FGGY: variants seen among roughly 807,000 people sequenced by gnomAD.
The protein encoded by FGGY is FGGY carbohydrate kinase domain-containing protein.
In FGGY, 72 loss-of-function variants were observed where a neutral mutation model predicts 71.3. That is an observed-to-expected ratio of 1.01 (90% CI 0.84 to 1.23). The LOEUF is 1.23. FGGY is among the 50% of genes most tolerant of loss of function. The pLI is 0.00. For synonymous variants in FGGY, 251 were observed against 250.3 expected (o/e 1.00, Z -0.02); for missense variants, 668 against 682.3 (o/e 0.98, Z 0.23).
chr1:59,469,561 CT>C (rs1286281385), intron 6 of FGGY, among the ~76,000 whole-genome samples: 4 of 152,072 alleles, frequency 2.6e-5, no homozygotes, highest in Non-Finnish European at 4.4e-5. Context: ...TTTAACATGA[CT>C]TTTTGTTTTA....
At chr1:59,454,100 A>G (rs1452221561) in intron 5 of FGGY, among the ~76,000 whole-genome samples, 3 of 152,166 alleles carry the variant, frequency 2.0e-5, no homozygotes, top group African/African-American at 4.8e-5. Context: ...GACCATAAGG[A>G]CAACCTGGAG....
At position 59,614,566 on chromosome 1, in the gene FGGY, G is replaced by C. The variant is rs368155247; in HGVS notation, c.1011+6656G>C. Among the ~76,000 whole-genome samples, 361 of 152,292 alleles carry C rather than the reference G, an allele frequency of 2.4e-3. 5 individuals are homozygous for C. Among genetic ancestry groups the C allele is most frequent in the South Asian group, 0.023 (112 of 4,822 alleles). ...CATACTGAATGGGCAAAAACTGGAA[G>C]CATTCCCTTTGAAAACTGTCACAAG... is the stretch of plus-strand genomic sequence containing the variant. On this transcript the variant is annotated intron_variant, in intron 9 of 15. Coordinates refer to ENST00000303721, the MANE Select transcript of FGGY (RefSeq NM_018291.5).
At chr1:59,445,869 A>G (rs1305166311) in intron 5 of FGGY, among the ~76,000 whole-genome samples, 4 of 152,210 alleles carry the variant, frequency 2.6e-5, no homozygotes, top group Non-Finnish European at 5.9e-5. Flanking sequence ...CTGAATAAGC[A>G]TGTAGTTAAC....
chr1:59,334,885 T>C lies in FGGY; in HGVS notation c.202-5073T>C, dbSNP rs2049174138. Among the ~76,000 whole-genome samples the C allele has an allele frequency of 2.0e-5, 3 of 152,186 alleles. No homozygotes were observed. In the South Asian group the frequency reaches 6.2e-4, roughly 32 times the overall value. On this transcript the variant is annotated intron_variant, in intron 2 of 15. Coordinates refer to ENST00000303721, the MANE Select transcript of FGGY (RefSeq NM_018291.5). The stretch of plus-strand genomic sequence containing the variant: ...AAAAAATAGAATTAATCGATAAATC[T>C]ATTATTCTACAACTTTAAAAATTAT...
At chr1:59,583,039 A>T (rs2096223565) in intron 8 of FGGY, among the ~76,000 whole-genome samples, 1 of 144,820 alleles carries the variant, frequency 6.9e-6, no homozygotes, top group Admixed American at 6.7e-5. Context: ...CTTCACCAGG[A>T]ACATCAGTAG....
Position 59,382,402 on chromosome 1 carries a change from T to C in FGGY, c.554+3565T>C, listed in dbSNP as rs551671547. 2.6e-5 allele frequency among the ~76,000 whole-genome samples: 4 copies of C among 152,270 alleles called. No homozygotes were observed. In the East Asian group the frequency reaches 7.7e-4, roughly 29 times the overall value. Reference sequence around the variant, plus strand: ...TGAAACAATCATTAGCCAAAGGTCCTGGGGCAGAGAGATGCATATGCTTGT... The same window carrying C: ...TGAAACAATCATTAGCCAAAGGTCCCGGGGCAGAGAGATGCATATGCTTGT... On this transcript the variant is annotated intron_variant, in intron 5 of 15. Coordinates refer to ENST00000303721, the MANE Select transcript of FGGY (RefSeq NM_018291.5).
Position 59,599,686 on chromosome 1 carries a change from CAAAAAA to C in FGGY, c.904-8101_904-8096del, listed in dbSNP as rs76397509. On this transcript the variant is annotated intron_variant, in intron 8 of 15. Coordinates refer to ENST00000303721, the MANE Select transcript of FGGY (RefSeq NM_018291.5). The stretch of plus-strand genomic sequence containing the variant: ...TTCAGCTGGGGGACAGAGCAAGACT[CAAAAAA>C]AAAAAAAAAAAAAAAGGAATATGTA... Among the ~76,000 whole-genome samples, 321 of 49,444 alleles carry C rather than the reference CAAAAAA, an allele frequency of 6.5e-3. 2 individuals carry two copies. Among genetic ancestry groups the C allele is most frequent in the Non-Finnish European group, 0.011 (271 of 23,834 alleles). 32.4% of individuals were successfully genotyped at this position (49,444 alleles called of 152,430 possible).
intron 8 of FGGY, among the ~76,000 whole-genome samples, chr1:59,571,337 G>A (rs1422760193): frequency 6.6e-6 from 1 of 152,224 alleles, no homozygotes; most frequent in Admixed American, 6.5e-5. Flanking sequence ...GTTGTTTAGA[G>A]CATTCACTCT....
intron 9 of FGGY, among the ~76,000 whole-genome samples, chr1:59,616,255 AC>A (rs1485395884): frequency 1.3e-5 from 2 of 152,236 alleles, no homozygotes; most frequent in Non-Finnish European, 2.9e-5. Flanking sequence ...ACAATGATAG[AC>A]TGGATTAAGA....
chr1:59,627,454 T>TTATATATATATATATA (rs60500862), intron 10 of FGGY, among the ~76,000 whole-genome samples: 160 of 97,228 alleles, frequency 1.6e-3, no homozygotes, highest in African/African-American at 3.4e-3. Flanking sequence ...ACTTATGATT[T>TTATATATATATATATA]TATATATATA....
At chr1:59,565,705 G>T (rs1036097857) in intron 8 of FGGY, among the ~76,000 whole-genome samples, 1 of 152,174 alleles carries the variant, frequency 6.6e-6, no homozygotes, top group South Asian at 2.1e-4. Context: ...CACGTGTTTT[G>T]TGGGAATGAG....
At chr1:59,662,579 G>A (rs2097287442) in intron 12 of FGGY, among the ~76,000 whole-genome samples, 1 of 152,050 alleles carries the variant, frequency 6.6e-6, no homozygotes, top group African/African-American at 2.4e-5. Context: ...GGTTAACGAG[G>A]GACTTCCTAT....
chr1:59,420,143 C>T (rs771476048), intron 5 of FGGY, among the ~76,000 whole-genome samples: 3 of 152,160 alleles, frequency 2.0e-5, no homozygotes, highest in Non-Finnish European at 4.4e-5. Flanking sequence ...CTTCACAAGG[C>T]AGAATTGTAC....
chr1:59,343,865 A>C (rs1362264775), intron 3 of FGGY, among the ~76,000 whole-genome samples: 2 of 152,218 alleles, frequency 1.3e-5, no homozygotes, highest in Non-Finnish European at 2.9e-5. Context: ...TACTATAGGC[A>C]GAAGTTTAGC....
intron 5 of FGGY, among the ~76,000 whole-genome samples, chr1:59,416,261 C>A (rs2064397664): frequency 1.3e-5 from 2 of 152,148 alleles, no homozygotes; most frequent in African/African-American, 4.8e-5. Flanking sequence ...ATATTACAAT[C>A]ATTTGTGGCC....
intron 8 of FGGY, among the ~76,000 whole-genome samples, chr1:59,594,955 G>A (rs1486626589): frequency 6.6e-6 from 1 of 152,180 alleles, no homozygotes; most frequent in Admixed American, 6.5e-5. Context: ...TGACCCTTGG[G>A]CCCCTCTCTG....
chr1:59,493,239 C>T (rs1052094278), intron 6 of FGGY, among the ~76,000 whole-genome samples: 1 of 151,958 alleles, frequency 6.6e-6, no homozygotes, highest in Non-Finnish European at 1.5e-5. Context: ...GGTAGTTCCT[C>T]AAAAAGTTAC....
chr1:59,573,862 A>G (rs923674516), intron 8 of FGGY, among the ~76,000 whole-genome samples: 1 of 152,194 alleles, frequency 6.6e-6, no homozygotes, highest in African/African-American at 2.4e-5. Context: ...CCTGGAAGCC[A>G]AGGAAACTCA....
chr1:59,458,811 T>G (rs2091943446), intron 6 of FGGY, among the ~76,000 whole-genome samples: 1 of 152,214 alleles, frequency 6.6e-6, no homozygotes. Flanking sequence ...TCTGGACACT[T>G]GAGCTTGTAG....
Sources: gnomAD v4.1 joint callset for allele counts (sites outside exome capture counted in the v4.1 genomes callset) on GRCh38, gnomAD v4.1.1 for gene constraint, MANE v1.5 for transcripts, NCBI Gene and HGNC (gene_info 2026-07-23, HGNC 2026-07-21) for gene names.